Variants in PRKN observed in about 807,000 individuals in gnomAD.
PRKN encodes E3 ubiquitin-protein ligase parkin.
Under a neutral mutation model 59.5 loss-of-function variants are expected in PRKN, and 56 were observed. That is an observed-to-expected ratio of 0.94 (90% CI 0.76 to 1.18). PRKN has a LOEUF of 1.18. Among genes scored for constraint, PRKN ranks in the 50% most tolerant of loss-of-function variants. PRKN has a pLI of 0.00. For missense variants in PRKN, 657 were observed against 596.4 expected (o/e 1.10, Z -1.06); for synonymous variants, 250 against 222.1 (o/e 1.13, Z -1.12).
At chr6:162,655,798 A>T (rs552047233) in intron 1 of PRKN, among the ~76,000 whole-genome samples, 1 of 152,308 alleles carries the variant, frequency 6.6e-6, no homozygotes, top group East Asian at 1.9e-4. Flanking sequence ...TTTACATAAA[A>T]TATGAGCTGC....
chr6:162,044,301 C>T (rs1244543270), intron 5 of PRKN, among the ~76,000 whole-genome samples: 2 of 152,130 alleles, frequency 1.3e-5, no homozygotes, highest in East Asian at 1.9e-4. Flanking sequence ...AACGAACAAA[C>T]GAAAAGGAAG....
chr6:161,481,428 C>A (rs922073381), intron 9 of PRKN, among the ~76,000 whole-genome samples: 2 of 152,038 alleles, frequency 1.3e-5, no homozygotes, highest in South Asian at 4.2e-4. Flanking sequence ...CATGGTGAAA[C>A]CCCATCTCTA....
At chr6:162,589,419 C>T (rs1481838702) in intron 1 of PRKN, among the ~76,000 whole-genome samples, 4 of 152,096 alleles carry the variant, frequency 2.6e-5, no homozygotes, top group African/African-American at 9.7e-5. Context: ...TTTCTTTCTT[C>T]CCAGTATTTT....
chr6:162,293,733 G>T (rs891193652), intron 2 of PRKN, among the ~76,000 whole-genome samples: 1 of 152,224 alleles, frequency 6.6e-6, no homozygotes, highest in Non-Finnish European at 1.5e-5. Flanking sequence ...CTCCAGGGCT[G>T]TGGGAAAGAC....
intron 1 of PRKN, among the ~76,000 whole-genome samples, chr6:162,555,981 C>CA (rs772336975): frequency 0.55 from 49,607 of 90,268 alleles, 13,510 homozygotes; most frequent in Middle Eastern, 0.68. Context: ...AACTCCATCT[C>CA]AAAAAAAAAA....
rs1780089991 is a variant in PRKN, at chr6:161,552,826, T to C, written c.934-3823A>G. 6.7e-6 allele frequency among the ~76,000 whole-genome samples: 1 copy of C among 149,536 alleles called. No homozygotes were observed. ...TTTTTTTTTTTTAGACGGAGTCTCG[T>C]TGTTACGCGGCTGGAGTACAGTGGC... On this transcript the variant is annotated intron_variant, in intron 8 of 11. Coordinates refer to ENST00000366898, the MANE Select transcript of PRKN (RefSeq NM_004562.3). This position sits in a 1 kb window ranked among gnomAD's most constrained non-coding sequence, Gnocchi z 4.9.
chr6:162,582,966 T>C (rs761080392), intron 1 of PRKN, among the ~76,000 whole-genome samples: 24 of 152,122 alleles, frequency 1.6e-4, no homozygotes, highest in Non-Finnish European at 2.9e-4. Context: ...ATTGTGACAG[T>C]GATAGGAGGT....
intron 3 of PRKN, among the ~76,000 whole-genome samples, chr6:162,250,728 G>A (rs1422566780): frequency 1.3e-5 from 2 of 152,164 alleles, no homozygotes; most frequent in African/African-American, 4.8e-5. Context: ...ATTATTGTCT[G>A]AAACTTCTCT....
Position 161,680,760 on chromosome 6 carries a change from TA to T in PRKN, c.871+105011del, listed in dbSNP as rs1562603904. Among the ~76,000 whole-genome samples, 127 of 17,976 alleles carry T rather than the reference TA, an allele frequency of 7.1e-3. 6 individuals are homozygous for T. Among genetic ancestry groups the T allele is most frequent in the African/African-American group, 0.014 (81 of 5,704 alleles). The allele number at this position is 17,976 out of a possible 152,430, so 11.8% of individuals were successfully genotyped here. ...ATATATATATATATATATATATATATATATATATATATATATTTTTTTTTTT... is the reference window on the plus strand; with the variant it reads ...ATATATATATATATATATATATATATTATATATATATATATTTTTTTTTTT... On this transcript the variant is annotated intron_variant, in intron 7 of 11. Coordinates refer to ENST00000366898, the MANE Select transcript of PRKN (RefSeq NM_004562.3).
intron 7 of PRKN, among the ~76,000 whole-genome samples, chr6:161,784,177 C>T (rs1041191746): frequency 6.6e-6 from 1 of 152,122 alleles, no homozygotes; most frequent in Non-Finnish European, 1.5e-5. Context: ...GACCTAAATA[C>T]AAGAGGTAAG....
At chr6:161,636,263 G>T (rs1783516357) in intron 7 of PRKN, among the ~76,000 whole-genome samples, 1 of 152,260 alleles carries the variant, frequency 6.6e-6, no homozygotes, top group Non-Finnish European at 1.5e-5. Context: ...CTCTGTGCAG[G>T]ATGTGCATAT....
chr6:162,339,654 G>A (rs1321600613), intron 2 of PRKN, among the ~76,000 whole-genome samples: 1 of 152,134 alleles, frequency 6.6e-6, no homozygotes, highest in Non-Finnish European at 1.5e-5. Flanking sequence ...ACAGCTCATT[G>A]AGAATGGGCC....
chr6:162,072,049 G>A (rs546715947), intron 4 of PRKN, among the ~76,000 whole-genome samples: 19 of 152,248 alleles, frequency 1.2e-4, no homozygotes, highest in East Asian at 7.7e-4. Context: ...CAAATAATGA[G>A]CATCTAAAAA....
intron 7 of PRKN, among the ~76,000 whole-genome samples, chr6:161,653,064 C>T (rs1345481757): frequency 6.6e-6 from 1 of 152,138 alleles, no homozygotes; most frequent in Non-Finnish European, 1.5e-5. Context: ...GAAGTATGTG[C>T]TACATAAGAT....
intron 7 of PRKN, among the ~76,000 whole-genome samples, chr6:161,686,826 T>C (rs543704157): frequency 6.6e-6 from 1 of 152,260 alleles, no homozygotes; most frequent in East Asian, 1.9e-4. Context: ...ACTTTCTCCA[T>C]TCCCCACAAG....
intron 2 of PRKN, among the ~76,000 whole-genome samples, chr6:162,397,305 T>A (rs1787523359): frequency 6.6e-6 from 1 of 152,186 alleles, no homozygotes; most frequent in Non-Finnish European, 1.5e-5. Context: ...ATTTGAGATG[T>A]CTGAATTAAC....
chr6:162,207,772 C>G (rs951959566), intron 3 of PRKN, among the ~76,000 whole-genome samples: 2 of 152,172 alleles, frequency 1.3e-5, no homozygotes, highest in African/African-American at 4.8e-5. Context: ...GTGTGTAACA[C>G]TTCACTCTAT....
intron 6 of PRKN, among the ~76,000 whole-genome samples, chr6:161,802,595 C>G (rs1217919287): frequency 6.6e-6 from 1 of 152,176 alleles, no homozygotes; most frequent in East Asian, 1.9e-4. Context: ...ACCCTGCCCT[C>G]CTGCAGCTCT....
chr6:161,474,136 T>C (rs1790942703), intron 9 of PRKN, among the ~76,000 whole-genome samples: 1 of 152,200 alleles, frequency 6.6e-6, no homozygotes, highest in Non-Finnish European at 1.5e-5. Context: ...TCTCCTGTGG[T>C]GGCATGGATT....
Sources: gnomAD v4.1 joint callset for allele counts (sites outside exome capture counted in the v4.1 genomes callset) on GRCh38, gnomAD v4.1.1 for gene constraint, Gnocchi (gnomAD v3.1) non-coding constraint, MANE v1.5 for transcripts, NCBI Gene and HGNC (gene_info 2026-07-23, HGNC 2026-07-21) for gene names.